NR6A1: variants seen among roughly 807,000 people sequenced by gnomAD.
NR6A1 encodes nuclear receptor subfamily 6 group A member 1.
Under a neutral mutation model 59.1 loss-of-function variants are expected in NR6A1, and 7 were observed. The ratio of observed to expected loss-of-function variants is 0.12; its 90% CI spans 0.07 to 0.22. The LOEUF (loss-of-function observed/expected upper bound fraction) is 0.22, where lower values mean the gene tolerates loss of function less well. Ranked by LOEUF, NR6A1 falls within the 10% of genes least tolerant of loss-of-function variation. The pLI is 1.00. For synonymous variants in NR6A1, 243 were observed against 236.1 expected (o/e 1.03, Z -0.27); for missense variants, 468 against 611.6 (o/e 0.77, Z 2.48).
intron 2 of NR6A1, among the ~76,000 whole-genome samples, chr9:124,557,698 T>C (rs1833969154): frequency 2.0e-5 from 3 of 152,140 alleles, no homozygotes; most frequent in South Asian, 4.1e-4. Context: ...GCACCCACTA[T>C]GTTTGAGATG....
At chr9:124,615,778 T>G (rs1835871768) in intron 2 of NR6A1, among the ~76,000 whole-genome samples, 1 of 152,160 alleles carries the variant, frequency 6.6e-6, no homozygotes, top group African/African-American at 2.4e-5. Flanking sequence ...GCTAGAATGT[T>G]TGGAGCCAGA....
At chr9:124,671,873 G>A (rs543755229) in intron 2 of NR6A1, among the ~76,000 whole-genome samples, 2 of 152,206 alleles carry the variant, frequency 1.3e-5, no homozygotes, top group East Asian at 1.9e-4. Flanking sequence ...ACAGTTCAAC[G>A]AACTTTTACA....
chr9:124,751,065 GT>G (rs1014838224), intron 1 of NR6A1, among the ~76,000 whole-genome samples: 1 of 1,054 alleles, frequency 9.5e-4, no homozygotes, highest in Non-Finnish European at 8.2e-3. Flanking sequence ...CACTTAAGTT[GT>G]TCCTCCCATC....
intron 2 of NR6A1, among the ~76,000 whole-genome samples, chr9:124,645,784 T>C (rs1173410643): frequency 2.0e-5 from 3 of 152,204 alleles, no homozygotes; most frequent in East Asian, 1.9e-4. Context: ...CTGACACCTA[T>C]AGAATACTTC....
chr9:124,609,963 T>A (rs1009987782), intron 2 of NR6A1, among the ~76,000 whole-genome samples: 1 of 152,244 alleles, frequency 6.6e-6, no homozygotes, highest in Non-Finnish European at 1.5e-5. Context: ...TGATTTTGTA[T>A]CCTGAGACTG....
At chr9:124,728,082 A>G (rs1435909934) in intron 2 of NR6A1, among the ~76,000 whole-genome samples, 2 of 151,278 alleles carry the variant, frequency 1.3e-5, no homozygotes, top group Non-Finnish European at 2.9e-5. Context: ...GCTGGAGTGC[A>G]GTGGCATGAT....
At position 124,744,946 on chromosome 9, in the gene NR6A1, A is replaced by G. The variant is rs903676064; in HGVS notation, c.101-11597T>C. On this transcript the variant is annotated intron_variant, in intron 1 of 9. Transcript: ENST00000487099. ...TGTGGCAGAATGTACCTTTTTCCTT[A>G]TTTTCTTTAAAATCTCCATATAAAA... 3.9e-5 allele frequency among the ~76,000 whole-genome samples: 6 copies of G among 152,220 alleles called. No individual in the cohort carries two copies. The South Asian group carries it at 6.2e-4, about 16-fold the overall frequency.
At chr9:124,590,061 CAAAAAAAAAA>C (rs71372976) in intron 2 of NR6A1, among the ~76,000 whole-genome samples, 118 of 30,894 alleles carry the variant, frequency 3.8e-3, no homozygotes, top group Middle Eastern at 0.05. Flanking sequence ...AAGACTCTGT[CAAAAAAAAAA>C]AAAAAAAAAA....
At chr9:124,749,033 C>G (rs1011888567) in intron 1 of NR6A1, among the ~76,000 whole-genome samples, 1 of 152,236 alleles carries the variant, frequency 6.6e-6, no homozygotes, top group African/African-American at 2.4e-5. Context: ...GAGGCCAAGG[C>G]GGGCGGATCA....
chr9:124,529,645 G>A (rs1178794905), intron 7 of NR6A1, among the ~76,000 whole-genome samples: 1 of 152,146 alleles, frequency 6.6e-6, no homozygotes, highest in Non-Finnish European at 1.5e-5. Flanking sequence ...ACCTGGAAAA[G>A]GCTAACCACA....
intron 2 of NR6A1, among the ~76,000 whole-genome samples, chr9:124,558,229 A>G (rs1009749983): frequency 6.6e-6 from 1 of 152,190 alleles, no homozygotes; most frequent in African/African-American, 2.4e-5. Flanking sequence ...GAACCTGCTC[A>G]TGTCTCGTAA....
chr9:124,673,359 TCTCCCATAAAA>T, intron 2 of NR6A1, among the ~76,000 whole-genome samples: 1 of 151,934 alleles, frequency 6.6e-6, no homozygotes, highest in African/African-American at 2.4e-5. Context: ...ATATGAAGGT[TCTCCCATAAAA>T]CTCCCATAAT....
At chr9:124,698,051 A>G (rs886276115) in intron 2 of NR6A1, among the ~76,000 whole-genome samples, 4 of 152,220 alleles carry the variant, frequency 2.6e-5, no homozygotes, top group Admixed American at 2.0e-4. Flanking sequence ...AAAAGCAGAC[A>G]GGAAGTTCAA....
intron 2 of NR6A1, among the ~76,000 whole-genome samples, chr9:124,569,313 A>G (rs755181083): frequency 6.6e-6 from 1 of 152,220 alleles, no homozygotes; most frequent in African/African-American, 2.4e-5. Flanking sequence ...ACCTGTTACA[A>G]AAAGGCTTCA....
intron 2 of NR6A1, among the ~76,000 whole-genome samples, chr9:124,674,764 T>C (rs1033976705): frequency 2.0e-5 from 3 of 152,252 alleles, no homozygotes; most frequent in East Asian, 1.9e-4. Flanking sequence ...GCTGAAGGAA[T>C]AGCAAATTAC....
chr9:124,564,508 G>C (rs927281817), intron 2 of NR6A1, among the ~76,000 whole-genome samples: 1 of 152,178 alleles, frequency 6.6e-6, no homozygotes, highest in Non-Finnish European at 1.5e-5. Flanking sequence ...CTAATAAAGA[G>C]ATACAAGATC....
intron 4 of NR6A1, among the ~76,000 whole-genome samples, chr9:124,540,768 C>A (rs1833418448): frequency 6.6e-6 from 1 of 152,048 alleles, no homozygotes; most frequent in Non-Finnish European, 1.5e-5. Context: ...ACTAACCCAC[C>A]CCAGCCTGGG....
At chr9:124,692,512 G>GA (rs750962040) in intron 2 of NR6A1, 11 of 531,572 alleles carry the variant, frequency 2.1e-5, no homozygotes, top group Admixed American at 1.4e-4. Context: ...TTTGGGATTT[G>GA]AAAAAACCAC....
intron 2 of NR6A1, among the ~76,000 whole-genome samples, chr9:124,635,249 T>G (rs1366968626): frequency 6.6e-6 from 1 of 152,204 alleles, no homozygotes; most frequent in Non-Finnish European, 1.5e-5. Flanking sequence ...GTCATATAGT[T>G]GGACTCATAC....
Sources: allele counts gnomAD v4.1 joint callset (sites outside exome capture counted in the v4.1 genomes callset), GRCh38; gene constraint gnomAD v4.1.1; transcripts MANE v1.5; gene names NCBI Gene and HGNC (gene_info 2026-07-23, HGNC 2026-07-21).